MAN1C1: variants seen among roughly 807,000 people sequenced by gnomAD.
MAN1C1 encodes mannosyl-oligosaccharide 1,2-alpha-mannosidase IC.
A neutral mutation model predicts 71.5 loss-of-function variants in MAN1C1; 49 were observed. The ratio of observed to expected loss-of-function variants is 0.69; its 90% CI spans 0.54 to 0.87. The LOEUF is 0.87. MAN1C1 is among the 40% of genes least tolerant of loss of function. The pLI is 0.00. For missense variants in MAN1C1, 743 were observed against 835.0 expected, an observed-to-expected ratio of 0.89 and a Z score of 1.36; for synonymous variants, 352 against 343.7, an observed-to-expected ratio of 1.02 and a Z score of -0.27.
chr1:25,773,757 G>A (rs988780292), intron 8 of MAN1C1, among the ~76,000 whole-genome samples: 1 of 152,230 alleles, frequency 6.6e-6, no homozygotes, highest in African/African-American at 2.4e-5. Context: ...TTGTAGGAGA[G>A]AACTTTGAAT....
At chr1:25,714,700 A>G (rs2046657419) in intron 2 of MAN1C1, among the ~76,000 whole-genome samples, 3 of 152,236 alleles carry the variant, frequency 2.0e-5, no homozygotes, top group Admixed American at 2.0e-4. Flanking sequence ...CAATGCTGAT[A>G]ATGTGAGATT....
chr1:25,741,870 G>A (rs1225131495), intron 2 of MAN1C1, among the ~76,000 whole-genome samples: 1 of 152,184 alleles, frequency 6.6e-6, no homozygotes, highest in Admixed American at 6.5e-5. Flanking sequence ...TGTAAGGAGG[G>A]AATGGCAAGT....
chr1:25,778,212 C>CG lies in MAN1C1; in HGVS notation c.1370dup (p.Met458HisfsTer42). On this transcript the variant is annotated frameshift_variant, in exon 9 of 12. Coordinates refer to ENST00000374332, the MANE Select transcript of MAN1C1 (RefSeq NM_020379.4). LOFTEE classifies it high-confidence loss of function. The surrounding 1 kb of genome is among the most constrained non-coding windows in gnomAD (Gnocchi z 5.5). ...AGATGGGGCACCTGGCCTGTTTCTC[C>CG]GGGGGCATGATCGCCCTTGGCGCCG... The CG allele has an allele frequency of 6.2e-7, 1 of 1,613,900 alleles. No individual in the cohort carries two copies. The highest frequency in any genetic ancestry group is 8.5e-7 in the Non-Finnish European group (1 of 1,179,912).
chr1:25,770,411 C>T (rs2047534374), intron 7 of MAN1C1, among the ~76,000 whole-genome samples: 1 of 152,232 alleles, frequency 6.6e-6, no homozygotes, highest in Non-Finnish European at 1.5e-5. Context: ...TCCCATCTGT[C>T]TTTGCCCTGT....
intron 1 of MAN1C1, among the ~76,000 whole-genome samples, chr1:25,661,638 G>T (rs2045850647): frequency 6.6e-6 from 1 of 152,156 alleles, no homozygotes; most frequent in African/African-American, 2.4e-5. Flanking sequence ...CTGAGGCCTG[G>T]CTTTGTGGAA....
At chr1:25,761,640 T>C (rs1168174216) in intron 6 of MAN1C1, 2 of 148,592 alleles carry the variant, frequency 1.3e-5, no homozygotes, top group Non-Finnish European at 3.0e-5. Flanking sequence ...TTTTTTTTTT[T>C]TGAGACGGAG....
chr1:25,781,420 C>T (rs1004607827), intron 10 of MAN1C1, among the ~76,000 whole-genome samples: 3 of 146,082 alleles, frequency 2.1e-5, no homozygotes, highest in African/African-American at 4.9e-5. Context: ...TAGAGCACCA[C>T]GCAGGCACCA....
intron 7 of MAN1C1, among the ~76,000 whole-genome samples, chr1:25,765,230 T>C (rs2047412103): frequency 6.6e-6 from 1 of 151,598 alleles, no homozygotes; most frequent in African/African-American, 2.4e-5. Flanking sequence ...GGGTTTGGGG[T>C]CGCTTAGGTG....
At position 25,764,167 on chromosome 1, in the gene MAN1C1, G is replaced by T. The variant is rs1207267276; in HGVS notation, c.1141+200G>T. Among the ~76,000 whole-genome samples, 1 of 152,216 alleles carries T rather than the reference G, an allele frequency of 6.6e-6. No individual in the cohort carries two copies. Among genetic ancestry groups the T allele is most frequent in the East Asian group, 1.9e-4 (1 of 5,184 alleles). The stretch of plus-strand genomic sequence containing the variant: ...TTGCCTGTGGTTGTCTGCTGCTGCA[G>T]TGCCGGATGTGATGGCTGCTGTTTA... On this transcript the variant is annotated intron_variant, in intron 7 of 11. Coordinates refer to ENST00000374332, the MANE Select transcript of MAN1C1 (RefSeq NM_020379.4). The surrounding 1 kb of genome is among the most constrained non-coding windows in gnomAD (Gnocchi z 4.4).
chr1:25,698,994 A>C (rs998380707), intron 2 of MAN1C1, among the ~76,000 whole-genome samples: 1 of 149,264 alleles, frequency 6.7e-6, no homozygotes, highest in African/African-American at 2.5e-5. Context: ...CTCCATACTG[A>C]GACTGGAAGC....
chr1:25,642,036 G>A (rs1457939544), intron 1 of MAN1C1, among the ~76,000 whole-genome samples: 3 of 152,180 alleles, frequency 2.0e-5, no homozygotes, highest in Non-Finnish European at 2.9e-5. Flanking sequence ...CAGATGCATG[G>A]ATGTAGGGAA....
chr1:25,657,137 C>CTTA (rs2045779823), intron 1 of MAN1C1, among the ~76,000 whole-genome samples: 2 of 152,138 alleles, frequency 1.3e-5, no homozygotes, highest in South Asian at 4.1e-4. Context: ...AACCTTGGGT[C>CTTA]TTAACCAAGC....
intron 1 of MAN1C1, among the ~76,000 whole-genome samples, chr1:25,623,137 T>C (rs2045239849): frequency 1.3e-5 from 2 of 152,198 alleles, no homozygotes; most frequent in African/African-American, 2.4e-5. Context: ...GAGACTGGCC[T>C]GTAATAACTG....
At chr1:25,673,104 T>C (rs2046014857) in intron 1 of MAN1C1, among the ~76,000 whole-genome samples, 1 of 151,916 alleles carries the variant, frequency 6.6e-6, no homozygotes, top group African/African-American at 2.4e-5. Context: ...TCCTGTTGAA[T>C]AGATTTGGGT....
chr1:25,757,678 C>T (rs2124363729), intron 5 of MAN1C1, among the ~76,000 whole-genome samples: 1 of 152,314 alleles, frequency 6.6e-6, no homozygotes, highest in South Asian at 2.1e-4. Flanking sequence ...TGCCCGAGGG[C>T]TCCAGCTGAG....
Position 25,631,199 on chromosome 1 carries a change from C to T in MAN1C1, c.540+12862C>T, listed in dbSNP as rs1270332647. Among the ~76,000 whole-genome samples the T allele has an allele frequency of 6.6e-6, 1 of 152,116 alleles. No homozygotes were observed. The highest frequency in any genetic ancestry group is 1.5e-5 in the Non-Finnish European group (1 of 68,014). ...CCCAGGCTGGTCTCAAACTCCTGAGCTTAGGCAGTCCACCCGCCTCAGCCT... is the reference window on the plus strand; with the variant it reads ...CCCAGGCTGGTCTCAAACTCCTGAGTTTAGGCAGTCCACCCGCCTCAGCCT... On this transcript the variant is annotated intron_variant, in intron 1 of 11. Transcript: ENST00000374332. This position sits in a 1 kb window ranked among gnomAD's most constrained non-coding sequence, Gnocchi z 4.2.
In MAN1C1 at chr1:25,631,322, T is replaced by G. The variant is rs1182085548; in HGVS notation, c.540+12985T>G. Among the ~76,000 whole-genome samples, 1 of 152,168 alleles carries G rather than the reference T, an allele frequency of 6.6e-6. No individual in the cohort carries two copies. The highest frequency in any genetic ancestry group is 1.5e-5 in the Non-Finnish European group (1 of 68,018). Reference sequence around the variant, plus strand: ...GTCGGCATCCTTGTCTTGTTCCAGTTCTTAGAAGGGAATGCCTTAAACTTT... The same window carrying G: ...GTCGGCATCCTTGTCTTGTTCCAGTGCTTAGAAGGGAATGCCTTAAACTTT... On this transcript the variant is annotated intron_variant, in intron 1 of 11. Transcript: ENST00000374332. This position sits in a 1 kb window ranked among gnomAD's most constrained non-coding sequence, Gnocchi z 4.2.
chr1:25,638,345 A>G (rs911071433), intron 1 of MAN1C1, among the ~76,000 whole-genome samples: 18 of 152,104 alleles, frequency 1.2e-4, no homozygotes, highest in Admixed American at 1.0e-3. Context: ...TGTTGCTGTC[A>G]TGTGTTTTAC....
At chr1:25,637,057 A>C (rs753547047) in intron 1 of MAN1C1, among the ~76,000 whole-genome samples, 96 of 152,286 alleles carry the variant, frequency 6.3e-4, no homozygotes, top group Non-Finnish European at 1.2e-3. Context: ...TGGCCGGCTG[A>C]GGCAGGAGAA....
Sources: allele counts gnomAD v4.1 joint callset (sites outside exome capture counted in the v4.1 genomes callset), GRCh38; gene constraint gnomAD v4.1.1; non-coding constraint Gnocchi (gnomAD v3.1); transcripts MANE v1.5; gene names NCBI Gene and HGNC (gene_info 2026-07-23, HGNC 2026-07-21).